Variants in NUBPL observed in about 807,000 individuals in gnomAD.
NUBPL encodes NUBP iron-sulfur cluster assembly factor, mitochondrial.
Under a neutral mutation model 45.7 loss-of-function variants are expected in NUBPL, and 31 were observed. The ratio of observed to expected loss-of-function variants is 0.68; its 90% CI spans 0.51 to 0.92. The LOEUF is 0.92. Among genes scored for constraint, NUBPL ranks in the 40% least tolerant of loss-of-function variants. The pLI is 0.00. For missense variants in NUBPL, 401 were observed against 398.7 expected (o/e 1.01, Z -0.05); for synonymous variants, 144 against 140.9 (o/e 1.02, Z -0.15).
At chr14:31,713,851 G>A (rs2037629468) in intron 6 of NUBPL, among the ~76,000 whole-genome samples, 1 of 152,096 alleles carries the variant, frequency 6.6e-6, no homozygotes, top group African/African-American at 2.4e-5. Context: ...TTTATATGGT[G>A]CAAACTTTCT....
At chr14:31,621,790 G>A (rs913775203) in intron 4 of NUBPL, among the ~76,000 whole-genome samples, 1 of 152,184 alleles carries the variant, frequency 6.6e-6, no homozygotes, top group Non-Finnish European at 1.5e-5. Context: ...CCCAGTCTTA[G>A]GTAGTTCTTT....
intron 4 of NUBPL, among the ~76,000 whole-genome samples, chr14:31,659,497 C>T (rs758331346): frequency 2.0e-5 from 3 of 152,156 alleles, no homozygotes; most frequent in Non-Finnish European, 4.4e-5. Flanking sequence ...AGTATGTAAA[C>T]TGTGTTTATT....
intron 6 of NUBPL, among the ~76,000 whole-genome samples, chr14:31,720,508 A>G (rs2037784514): frequency 6.6e-6 from 1 of 152,022 alleles, no homozygotes. Context: ...TCCACATTCC[A>G]CATAGGTAGC....
At position 31,850,135 on chromosome 14, in the gene NUBPL, C is replaced by A; in HGVS notation, c.831C>A (p.His277Gln). 6.2e-7 allele frequency: 1 copy of A among 1,613,416 alleles called. No individual in the cohort carries two copies. The highest frequency in any genetic ancestry group is 8.5e-7 in the Non-Finnish European group (1 of 1,179,450). ...GLEVLGDIPL[H>Q]LNIREASDTG... ...CTCTTTTAGGAGACATTCCCTTACA[C>A]CTTAATATAAGGGAAGCTTCAGATA... Residue 277 changes from histidine to glutamine, a missense_variant, in exon 10 of 11, where the codon CAC (histidine) becomes CAA (glutamine). Coordinates refer to ENST00000281081, the MANE Select transcript of NUBPL (RefSeq NM_025152.3).
At chr14:31,612,496 A>C (rs35632753) in intron 4 of NUBPL, among the ~76,000 whole-genome samples, 46,872 of 152,006 alleles carry the variant, frequency 0.31, 7,969 homozygotes, top group South Asian at 0.41. Flanking sequence ...CCCCATCTCT[A>C]CTAAAAATAC....
At chr14:31,719,514 A>C (rs1400309379) in intron 6 of NUBPL, among the ~76,000 whole-genome samples, 1 of 152,144 alleles carries the variant, frequency 6.6e-6, no homozygotes, top group Non-Finnish European at 1.5e-5. Flanking sequence ...TACCTTATTT[A>C]ATTTGCTGTG....
At chr14:31,604,142 C>T (rs1566441510) in intron 4 of NUBPL, among the ~76,000 whole-genome samples, 1 of 139,882 alleles carries the variant, frequency 7.1e-6, no homozygotes, top group Admixed American at 7.5e-5. Flanking sequence ...AATAGGCTTT[C>T]GGGTAAAGAC....
intron 7 of NUBPL, among the ~76,000 whole-genome samples, chr14:31,790,252 T>A (rs1306083952): frequency 6.6e-6 from 1 of 152,236 alleles, no homozygotes; most frequent in African/African-American, 2.4e-5. Flanking sequence ...CTATTTTAGT[T>A]TGTATTTATA....
rs1384984054 is a variant in NUBPL, at chr14:31,860,761, A to G, written c.*1581A>G. The G allele has an allele frequency of 6.6e-6, 1 of 152,246 alleles. No individual in the cohort carries two copies. The highest frequency in any genetic ancestry group is 1.5e-5 in the Non-Finnish European group (1 of 68,034). The allele number at this position is 152,246 out of a possible 1,614,324, so 9.4% of individuals were successfully genotyped here. On this transcript the variant is annotated 3_prime_UTR_variant, in exon 11 of 11. Coordinates refer to ENST00000281081, the MANE Select transcript of NUBPL (RefSeq NM_025152.3). ...CCAGATTTTCTTCATTGGGTAAATG[A>G]TTAAACAAACCATAGTACATTCATA...
chr14:31,715,206 G>T (rs1314514146), intron 6 of NUBPL, among the ~76,000 whole-genome samples: 1 of 152,068 alleles, frequency 6.6e-6, no homozygotes. Context: ...ACATTCTCTT[G>T]TGGCGTCTAC....
intron 6 of NUBPL, among the ~76,000 whole-genome samples, chr14:31,706,336 G>A (rs1441169641): frequency 6.6e-6 from 1 of 152,180 alleles, no homozygotes; most frequent in Non-Finnish European, 1.5e-5. Context: ...GAAGTTGTTA[G>A]TTGAGCTCAT....
chr14:31,803,784 A>AT (rs2039635653), intron 7 of NUBPL, among the ~76,000 whole-genome samples: 1 of 152,240 alleles, frequency 6.6e-6, no homozygotes, highest in Admixed American at 6.5e-5. Context: ...TAGAAACTGC[A>AT]TTCCAGGGTT....
chr14:31,760,144 T>TGTGTGTGTGAGAGA lies in NUBPL; in HGVS notation c.514-27635_514-27634insTGTGTGTGAGAGAG. On this transcript the variant is annotated intron_variant, in intron 6 of 10. Coordinates refer to ENST00000281081, the MANE Select transcript of NUBPL (RefSeq NM_025152.3). The stretch of plus-strand genomic sequence containing the variant: ...TGACTTTAGTGTGTGTGTGTGTGTG[T>TGTGTGTGTGAGAGA]GAGAGAGAGAGAGAGAGAGAGAGAG... Among the ~76,000 whole-genome samples, 48 of 34,838 alleles carry TGTGTGTGTGAGAGA rather than the reference T, an allele frequency of 1.4e-3. 3 individuals carry two copies. Among genetic ancestry groups the TGTGTGTGTGAGAGA allele is most frequent in the South Asian group, 7.5e-3 (4 of 532 alleles). 22.9% of individuals were successfully genotyped at this position (34,838 alleles called of 152,430 possible).
intron 3 of NUBPL, among the ~76,000 whole-genome samples, chr14:31,583,849 G>A (rs1357434439): frequency 6.6e-6 from 1 of 152,046 alleles, no homozygotes; most frequent in East Asian, 1.9e-4. Flanking sequence ...TTGGATATGG[G>A]AGTGGAGAGG....
intron 6 of NUBPL, among the ~76,000 whole-genome samples, chr14:31,709,928 G>A (rs376758673): frequency 1.3e-5 from 2 of 152,210 alleles, no homozygotes; most frequent in East Asian, 3.9e-4. Context: ...AGGTCCTCCT[G>A]TGGGATGTAA....
chr14:31,605,441 G>A (rs1181674133), intron 4 of NUBPL, among the ~76,000 whole-genome samples: 1 of 152,198 alleles, frequency 6.6e-6, no homozygotes, highest in Non-Finnish European at 1.5e-5. Context: ...AAATGGATAT[G>A]TCAAGTATTT....
chr14:31,830,373 G>A (rs1353377552), intron 8 of NUBPL, among the ~76,000 whole-genome samples: 5 of 152,100 alleles, frequency 3.3e-5, no homozygotes, highest in Admixed American at 3.3e-4. Flanking sequence ...TTGATGCAAA[G>A]GCCTTAAATT....
intron 6 of NUBPL, among the ~76,000 whole-genome samples, chr14:31,756,542 A>C (rs1012498893): frequency 1.3e-4 from 20 of 151,990 alleles, no homozygotes; most frequent in Admixed American, 4.6e-4. Flanking sequence ...ATTTCTGTAC[A>C]TTGATTTTGT....
chr14:31,673,283 A>G (rs1435006727), intron 4 of NUBPL, 72 bp from the exon 5 acceptor site: 3 of 1,373,568 alleles, frequency 2.2e-6, no homozygotes, highest in Admixed American at 4.7e-5. Context: ...AAAGATGAAA[A>G]AAAAACCCAA....
Sources: gnomAD v4.1 joint callset for allele counts (sites outside exome capture counted in the v4.1 genomes callset) on GRCh38, gnomAD v4.1.1 for gene constraint, MANE v1.5 for transcripts, NCBI Gene and HGNC (gene_info 2026-07-23, HGNC 2026-07-21) for gene names.